Variants in SGK3 observed in about 807,000 individuals in gnomAD.
SGK3 encodes serine/threonine-protein kinase Sgk3.
In SGK3, 47 loss-of-function variants were observed where a neutral mutation model predicts 68.5. That is an observed-to-expected ratio of 0.69 (90% confidence interval 0.54 to 0.87). The LOEUF is 0.87. Among genes scored for constraint, SGK3 ranks in the 40% least tolerant of loss-of-function variants. The pLI, the probability that SGK3 is intolerant of heterozygous loss-of-function variation, is 0.00. For missense variants in SGK3, 479 were observed against 575.5 expected (o/e 0.83, Z 1.72); for synonymous variants, 181 against 189.1 (o/e 0.96, Z 0.35).
At chr8:66,775,589 G>GT (rs912837025) in intron 1 of SGK3, 6 of 152,322 alleles carry the variant, frequency 3.9e-5, no homozygotes, top group Non-Finnish European at 8.8e-5. Context: ...GACAGAAAAC[G>GT]TTTGAGTTGT....
intron 1 of SGK3, among the ~76,000 whole-genome samples, chr8:66,782,338 A>T (rs1451643332): frequency 9.7e-5 from 14 of 144,298 alleles, no homozygotes; most frequent in Non-Finnish European, 1.7e-4. Flanking sequence ...TTTTTTTTTT[A>T]GACTTTTTTT....
chr8:66,728,569 C>T (rs375678164), intron 1 of SGK3, among the ~76,000 whole-genome samples: 60 of 152,178 alleles, frequency 3.9e-4, no homozygotes, highest in African/African-American at 1.3e-3. Context: ...TCAGATGATC[C>T]GTCCACCTTG....
chr8:66,758,091 C>T (rs1473359666), intron 1 of SGK3, among the ~76,000 whole-genome samples: 4 of 150,790 alleles, frequency 2.7e-5, no homozygotes, highest in Non-Finnish European at 4.4e-5. Context: ...AGGTGGCTCA[C>T]ACCTGTAATC....
intron 1 of SGK3, among the ~76,000 whole-genome samples, chr8:66,733,811 G>A (rs574278706): frequency 2.0e-5 from 3 of 152,264 alleles, no homozygotes; most frequent in African/African-American, 7.2e-5. Context: ...AGGGTACACT[G>A]CATGAATAAG....
chr8:66,835,539 A>G (rs1809486927), intron 8 of SGK3, among the ~76,000 whole-genome samples: 1 of 152,170 alleles, frequency 6.6e-6, no homozygotes, highest in Non-Finnish European at 1.5e-5. Flanking sequence ...CAAGCAGTGT[A>G]GATTTGGGCA....
intron 1 of SGK3, among the ~76,000 whole-genome samples, chr8:66,779,386 A>G (rs1307848484): frequency 6.6e-6 from 1 of 151,720 alleles, no homozygotes; most frequent in Non-Finnish European, 1.5e-5. Flanking sequence ...GTGGCCTTCC[A>G]AACCTCAACT....
intron 1 of SGK3, among the ~76,000 whole-genome samples, chr8:66,717,526 T>C (rs944803744): frequency 2.0e-5 from 3 of 151,654 alleles, no homozygotes; most frequent in Non-Finnish European, 4.4e-5. Flanking sequence ...AGACTCCTTC[T>C]CAAAAAAAAA....
At chr8:66,804,956 G>C (rs1198124538) in intron 4 of SGK3, among the ~76,000 whole-genome samples, 1 of 152,128 alleles carries the variant, frequency 6.6e-6, no homozygotes. Flanking sequence ...GCGTGCACCT[G>C]TAGTCCCAGC....
Position 66,822,961 on chromosome 8 carries a change from T to C in SGK3, c.417+502T>C, listed in dbSNP as rs186411916. Among the ~76,000 whole-genome samples, 650 of 152,272 alleles carry C rather than the reference T, an allele frequency of 4.3e-3. 6 individuals carry two copies. Among genetic ancestry groups the C allele is most frequent in the African/African-American group, 0.015 (620 of 41,552 alleles). The stretch of plus-strand genomic sequence containing the variant: ...CTTATAAAACCTATAGAATGAGTAC[T>C]TTTTTACTAAAAAGTAATATAGGTT... On this transcript the variant is annotated intron_variant, in intron 6 of 16. Coordinates refer to ENST00000521198, the MANE Select transcript of SGK3 (RefSeq NM_001033578.3).
At chr8:66,840,990 C>A in intron 12 of SGK3, 34 bp from the exon 13 acceptor site, 3 of 1,400,710 alleles carry the variant, frequency 2.1e-6, no homozygotes, top group South Asian at 1.4e-5. Context: ...CATATTTATG[C>A]ATTGTTTTAT....
intron 1 of SGK3, among the ~76,000 whole-genome samples, chr8:66,793,176 G>A (rs747412989): frequency 1.8e-4 from 28 of 152,124 alleles, no homozygotes; most frequent in African/African-American, 5.8e-4. Flanking sequence ...GTTCAAATCC[G>A]GGATGTACGA....
intron 7 of SGK3, among the ~76,000 whole-genome samples, chr8:66,828,929 A>G (rs1361359311): frequency 3.5e-5 from 2 of 57,150 alleles, no homozygotes; most frequent in African/African-American, 7.0e-5. Flanking sequence ...GGGTTCTGCT[A>G]TTTTGTCATT....
chr8:66,837,132 T>C (rs1585792395), intron 10 of SGK3, among the ~76,000 whole-genome samples: 1 of 152,298 alleles, frequency 6.6e-6, no homozygotes, highest in East Asian at 1.9e-4. Flanking sequence ...AGGTAGCTTG[T>C]AGAAGTAATG....
At chr8:66,767,238 T>C (rs1442291114) in intron 1 of SGK3, among the ~76,000 whole-genome samples, 7 of 152,256 alleles carry the variant, frequency 4.6e-5, no homozygotes, top group Non-Finnish European at 8.8e-5. Context: ...TAAGCATTAT[T>C]ATCCCATTTT....
chr8:66,815,626 A>G (rs1042114281), intron 5 of SGK3, among the ~76,000 whole-genome samples: 5 of 152,190 alleles, frequency 3.3e-5, no homozygotes, highest in Admixed American at 6.5e-5. Flanking sequence ...AATGTAATTC[A>G]TGCATTCAAA....
intron 1 of SGK3, among the ~76,000 whole-genome samples, chr8:66,764,070 C>T (rs182049765): frequency 6.6e-6 from 1 of 152,188 alleles, no homozygotes; most frequent in Non-Finnish European, 1.5e-5. Flanking sequence ...ACTGTGTTGC[C>T]TAGGCTGGTC....
intron 1 of SGK3, among the ~76,000 whole-genome samples, chr8:66,763,743 T>C (rs1454822232): frequency 1.3e-5 from 2 of 152,166 alleles, no homozygotes; most frequent in Non-Finnish European, 2.9e-5. Flanking sequence ...TGAAATTCAG[T>C]ACTACAGGTT....
chr8:66,759,813 C>T (rs1042293358), intron 1 of SGK3, among the ~76,000 whole-genome samples: 2 of 151,960 alleles, frequency 1.3e-5, no homozygotes, highest in African/African-American at 4.8e-5. Flanking sequence ...TTTTAATCTC[C>T]TGACCTCGTG....
intron 1 of SGK3, among the ~76,000 whole-genome samples, chr8:66,762,823 T>C (rs181213372): frequency 6.6e-6 from 1 of 152,362 alleles, no homozygotes; most frequent in African/African-American, 2.4e-5. Context: ...TAAAGTTTAC[T>C]GATTGCATCC....
Sources: gnomAD v4.1 joint callset for allele counts (sites outside exome capture counted in the v4.1 genomes callset) on GRCh38, gnomAD v4.1.1 for gene constraint, MANE v1.5 for transcripts, NCBI Gene and HGNC (gene_info 2026-07-23, HGNC 2026-07-21) for gene names.